RNPC3: variants seen among roughly 807,000 people sequenced by gnomAD.
RNPC3 encodes RNA binding region (RNP1, RRM) containing 3, also known as RNA-binding region-containing protein 3.
RNPC3 carries 48 observed loss-of-function variants against 67.5 expected under a neutral mutation model. That is an observed-to-expected ratio of 0.71 (90% CI 0.56 to 0.90). The LOEUF is 0.90. Ranked by LOEUF, RNPC3 falls within the 40% of genes least tolerant of loss-of-function variation. The pLI is 0.00. For synonymous variants in RNPC3, 239 were observed against 210.3 expected, an observed-to-expected ratio of 1.14 and a Z score of -1.18; for missense variants, 637 against 626.1, an observed-to-expected ratio of 1.02 and a Z score of -0.19.
Position 103,543,401 on chromosome 1 carries a change from T to C in RNPC3, c.999T>C (p.Phe333=). The change falls in exon 9 of 15, where the codon TTT becomes TTC. Residue 333 remains phenylalanine (F), a synonymous_variant. Coordinates refer to ENST00000423855, the MANE Select transcript of RNPC3 (RefSeq NM_017619.4). Reference sequence around the variant, plus strand: ...TATCTACCGACATGCCAGCTGCATTTAAGAAAGATTTAGAAAAGGAACAAA... The same window carrying C: ...TATCTACCGACATGCCAGCTGCATTCAAGAAAGATTTAGAAAAGGAACAAA... ...FHISTDMPAA[F]KKDLEKEQNC... is the part of the protein sequence containing the mutation. The C allele has an allele frequency of 6.6e-7, 1 of 1,519,636 alleles. No individual in the cohort carries two copies. The highest frequency in any genetic ancestry group is 8.8e-7 in the Non-Finnish European group (1 of 1,139,508). The allele number at this position is 1,519,636 out of a possible 1,614,324, so 94.1% of individuals were successfully genotyped here.
intron 12 of RNPC3, among the ~76,000 whole-genome samples, chr1:103,550,541 T>G (rs1434127072): frequency 6.7e-6 from 1 of 149,298 alleles, no homozygotes; most frequent in Non-Finnish European, 1.5e-5. Context: ...CTTGGGAAGC[T>G]GAGGTAGGAG....
chr1:103,540,466 G>A (rs1180952811), intron 7 of RNPC3, among the ~76,000 whole-genome samples: 1 of 152,160 alleles, frequency 6.6e-6, no homozygotes, highest in South Asian at 2.1e-4. Flanking sequence ...GAGGCTTGGT[G>A]TACTTTGGGT....
intron 4 of RNPC3, 55 bp from the exon 5 acceptor site, chr1:103,535,275 T>C: frequency 8.9e-7 from 1 of 1,123,276 alleles, no homozygotes; most frequent in Non-Finnish European, 1.3e-6. Context: ...CTAAAATGAG[T>C]TACTGATATG....
chr1:103,532,198 T>G (rs575488790), intron 2 of RNPC3, among the ~76,000 whole-genome samples: 1 of 152,332 alleles, frequency 6.6e-6, no homozygotes, highest in South Asian at 2.1e-4. Flanking sequence ...GTGCCTATTT[T>G]TATACCAGTA....
At chr1:103,546,152 G>T in intron 10 of RNPC3, 96 bp from the exon 11 acceptor site, 1 of 498,884 alleles carries the variant, frequency 2.0e-6, no homozygotes, top group Non-Finnish European at 3.3e-6. Context: ...AGCTTATTTT[G>T]TCTATTTAAC....
chr1:103,531,160 G>T (rs968855564), intron 2 of RNPC3, among the ~76,000 whole-genome samples: 1 of 152,072 alleles, frequency 6.6e-6, no homozygotes, highest in African/African-American at 2.4e-5. Context: ...CTAGGTTGCT[G>T]CAAATGCCAT....
At chr1:103,536,419 TGTTAA>T (rs1483661808) in intron 6 of RNPC3, among the ~76,000 whole-genome samples, 1 of 152,180 alleles carries the variant, frequency 6.6e-6, no homozygotes, top group Non-Finnish European at 1.5e-5. Flanking sequence ...CATCCAGTGT[TGTTAA>T]GTTTTTTGAG....
intron 2 of RNPC3, 30 bp downstream of exon 2, chr1:103,527,772 TC>T: frequency 6.8e-7 from 1 of 1,460,636 alleles, no homozygotes; most frequent in Non-Finnish European, 9.4e-7. Flanking sequence ...ATTAAAGTTG[TC>T]AACAGGATCC....
At chr1:103,538,435 A>G (rs146519440) in intron 7 of RNPC3, among the ~76,000 whole-genome samples, 4 of 152,316 alleles carry the variant, frequency 2.6e-5, no homozygotes, top group African/African-American at 9.6e-5. Context: ...GTCAAGCCTG[A>G]TGGAGAAAAT....
At chr1:103,545,445 C>T (rs1651219737) in intron 10 of RNPC3, 2 of 177,196 alleles carry the variant, frequency 1.1e-5, no homozygotes, top group South Asian at 1.3e-4. Context: ...AATACTGTGT[C>T]TGAGATACAT....
At chr1:103,554,219 T>C (rs948011817) in intron 14 of RNPC3, 1 of 152,198 alleles carries the variant, frequency 6.6e-6, no homozygotes, top group African/African-American at 2.4e-5. Flanking sequence ...CCAAGTGTGG[T>C]GGCTTGCACC....
intron 7 of RNPC3, among the ~76,000 whole-genome samples, chr1:103,537,849 A>G (rs1651029529): frequency 6.6e-6 from 1 of 151,712 alleles, no homozygotes; most frequent in Non-Finnish European, 1.5e-5. Flanking sequence ...TATTATTATT[A>G]TTATTATTTT....
chr1:103,530,179 T>G (rs1650815380), intron 2 of RNPC3, among the ~76,000 whole-genome samples: 1 of 151,618 alleles, frequency 6.6e-6, no homozygotes, highest in African/African-American at 2.4e-5. Flanking sequence ...TGATTTAGGT[T>G]TTGGGATTAT....
intron 8 of RNPC3, among the ~76,000 whole-genome samples, chr1:103,542,956 CAT>C (rs1651158962): frequency 6.6e-6 from 1 of 151,602 alleles, no homozygotes; most frequent in Non-Finnish European, 1.5e-5. Flanking sequence ...AAATATCAAA[CAT>C]AGAATGCACT....
At chr1:103,527,468 CGT>C (rs1650748647) in intron 1 of RNPC3, among the ~76,000 whole-genome samples, 1 of 152,070 alleles carries the variant, frequency 6.6e-6, no homozygotes, top group Non-Finnish European at 1.5e-5. Context: ...ATGTGTAAAA[CGT>C]GTGTCTTTAT....
chr1:103,528,310 C>T (rs1224305585), intron 2 of RNPC3, among the ~76,000 whole-genome samples: 1 of 152,120 alleles, frequency 6.6e-6, no homozygotes, highest in Non-Finnish European at 1.5e-5. Context: ...TTTGAGCTGG[C>T]TCATAATATG....
intron 12 of RNPC3, among the ~76,000 whole-genome samples, chr1:103,548,038 C>T (rs139743201): frequency 2.6e-5 from 4 of 152,248 alleles, no homozygotes; most frequent in African/African-American, 9.6e-5. Flanking sequence ...CCACAGCTGC[C>T]GTGGCTGGGA....
intron 8 of RNPC3, among the ~76,000 whole-genome samples, chr1:103,542,487 T>C (rs953150235): frequency 6.6e-6 from 1 of 152,008 alleles, no homozygotes; most frequent in Non-Finnish European, 1.5e-5. Flanking sequence ...TTTTTAAAAA[T>C]TAAGAATTCC....
Position 103,545,037 on chromosome 1 carries a change from C to A in RNPC3, c.1142C>A (p.Ser381Tyr). ...ATCACAGAGGAGATTAAAGAAGACTCTGATGAAATGCCTTCAGAATGTATT... is the reference window on the plus strand; with the variant it reads ...ATCACAGAGGAGATTAAAGAAGACTATGATGAAATGCCTTCAGAATGTATT... The part of the protein sequence containing the change: ...LDITEEIKED[S>Y]DEMPSECISR... Residue 381 changes from serine to tyrosine, a missense_variant, in exon 10 of 15, where the codon TCT becomes TAT. By Grantham distance (144) the Ser-to-Tyr change is moderately radical. Coordinates refer to ENST00000423855, the MANE Select transcript of RNPC3 (RefSeq NM_017619.4). 1 of 1,534,466 alleles carries A rather than the reference C, an allele frequency of 6.5e-7. No individual in the cohort carries two copies. The highest frequency in any genetic ancestry group is 1.2e-5 in the South Asian group (1 of 83,764).
Sources: allele counts gnomAD v4.1 joint callset (sites outside exome capture counted in the v4.1 genomes callset), GRCh38; gene constraint gnomAD v4.1.1; transcripts MANE v1.5; gene names NCBI Gene and HGNC (gene_info 2026-07-23, HGNC 2026-07-21).